The following RBFOX1 variants were observed in gnomAD, a reference collection of about 807,000 sequenced individuals.
RBFOX1 encodes the protein RNA binding fox-1 homolog 1.
In RBFOX1, 8 loss-of-function variants were observed where a neutral mutation model predicts 57.7. The ratio of observed to expected loss-of-function variants is 0.14; its 90% CI spans 0.08 to 0.25. RBFOX1 has a LOEUF of 0.25. RBFOX1 is among the 10% of genes least tolerant of loss of function. The pLI is 1.00. For synonymous variants in RBFOX1, 326 were observed against 222.4 expected, an observed-to-expected ratio of 1.47 and a Z score of -4.15; for missense variants, 611 against 548.5, an observed-to-expected ratio of 1.11 and a Z score of -1.14.
rs571698444 is a variant in RBFOX1 at position 7,150,098 on chromosome 16, C to G, written c.27+98000C>G. Among the ~76,000 whole-genome samples, 21 of 152,314 alleles carry G rather than the reference C, an allele frequency of 1.4e-4. No homozygotes were observed. In the South Asian group the frequency reaches 3.7e-3, roughly 27 times the overall value. On this transcript the variant is annotated intron_variant, in intron 4 of 15. Coordinates refer to ENST00000550418, the MANE Select transcript of RBFOX1 (RefSeq NM_018723.4). ...CCAGGTTGCCTGTTCTTCCCTCTCT[C>G]TTTCCTTGTGCTTATTCCGGTCATA...
intron 3 of RBFOX1, among the ~76,000 whole-genome samples, chr16:6,709,107 T>C (rs2063296617): frequency 6.6e-6 from 1 of 152,202 alleles, no homozygotes; most frequent in African/African-American, 2.4e-5. Context: ...ATACAGCTTA[T>C]GTCATATAAA....
intron 1 of RBFOX1, among the ~76,000 whole-genome samples, chr16:6,229,970 G>A (rs1598590020): frequency 6.6e-6 from 1 of 151,992 alleles, no homozygotes; most frequent in East Asian, 1.9e-4. Flanking sequence ...TTCTCCTTTT[G>A]TGCATTCAGT....
In RBFOX1 at chr16:7,016,534, A is replaced by C. The variant is rs117322354; in HGVS notation, c.-15-35523A>C. Among the ~76,000 whole-genome samples, 13 of 152,304 alleles carry C rather than the reference A, an allele frequency of 8.5e-5. No individual in the cohort carries two copies. The East Asian group carries it at 2.5e-3, about 29-fold the overall frequency. On this transcript the variant is annotated intron_variant, in intron 3 of 15. Coordinates refer to ENST00000550418, the MANE Select transcript of RBFOX1 (RefSeq NM_018723.4). Reference sequence around the variant, plus strand: ...AGTGTATTCAGCACACCTATGTGCCAAGCATTGCACACAGCGTTTTGCATA... The same window carrying C: ...AGTGTATTCAGCACACCTATGTGCCCAGCATTGCACACAGCGTTTTGCATA...
At chr16:6,627,187 G>A (rs1333065301) in intron 2 of RBFOX1, among the ~76,000 whole-genome samples, 1 of 152,150 alleles carries the variant, frequency 6.6e-6, no homozygotes, top group East Asian at 1.9e-4. Flanking sequence ...CTAGATCTTG[G>A]GATGGGCAGA....
At chr16:7,203,835 G>A (rs958768418) in intron 4 of RBFOX1, among the ~76,000 whole-genome samples, 2 of 152,152 alleles carry the variant, frequency 1.3e-5, no homozygotes, top group African/African-American at 2.4e-5. Flanking sequence ...TACCGGCCAC[G>A]GATTTAACCA....
chr16:7,104,509 G>C (rs975759226), intron 4 of RBFOX1, among the ~76,000 whole-genome samples: 1 of 152,108 alleles, frequency 6.6e-6, no homozygotes, highest in Non-Finnish European at 1.5e-5. Flanking sequence ...TCAAGATCCT[G>C]ACTTTAAAAG....
chr16:7,469,816 G>A (rs901136243), intron 4 of RBFOX1, among the ~76,000 whole-genome samples: 2 of 152,046 alleles, frequency 1.3e-5, no homozygotes, highest in African/African-American at 4.8e-5. Context: ...CTGAAATTCT[G>A]TCCCCATTAA....
intron 3 of RBFOX1, among the ~76,000 whole-genome samples, chr16:6,854,918 G>A (rs138293709): frequency 6.6e-6 from 1 of 151,908 alleles, no homozygotes. Context: ...TTTTATTCTG[G>A]TTTCTATATG....
intron 2 of RBFOX1, among the ~76,000 whole-genome samples, chr16:5,543,203 G>A (rs2045038251): frequency 6.6e-6 from 1 of 152,158 alleles, no homozygotes; most frequent in African/African-American, 2.4e-5. Context: ...CAAAGAAGTT[G>A]CAAAGAAGCA....
intron 5 of RBFOX1, among the ~76,000 whole-genome samples, chr16:7,552,761 C>T (rs2086950544): frequency 1.3e-5 from 2 of 152,304 alleles, no homozygotes; most frequent in Non-Finnish European, 2.9e-5. Flanking sequence ...CAGCTCACTG[C>T]AACCTCTGCC....
chr16:6,499,993 T>G (rs1007081056), intron 2 of RBFOX1, among the ~76,000 whole-genome samples: 4 of 152,192 alleles, frequency 2.6e-5, no homozygotes, highest in African/African-American at 9.7e-5. Context: ...CAGCATTTTT[T>G]GGGACCTCCT....
At chr16:5,540,764 G>A (rs1377952940) in intron 2 of RBFOX1, among the ~76,000 whole-genome samples, 3 of 152,204 alleles carry the variant, frequency 2.0e-5, no homozygotes, top group South Asian at 2.1e-4. Flanking sequence ...GACTAGCAGC[G>A]TCAGAATCAC....
intron 14 of RBFOX1, among the ~76,000 whole-genome samples, chr16:7,708,455 CAG>C (rs2083215171): frequency 6.6e-6 from 1 of 152,048 alleles, no homozygotes; most frequent in African/African-American, 2.4e-5. Flanking sequence ...ATTAATGTGA[CAG>C]AAGTTCTGGA....
At chr16:5,379,086 A>G (rs372394256) in intron 1 of RBFOX1, among the ~76,000 whole-genome samples, 4 of 151,578 alleles carry the variant, frequency 2.6e-5, no homozygotes, top group Non-Finnish European at 2.9e-5. Context: ...AAAAACTGCA[A>G]TAACTTTTGC....
chr16:7,599,638 CT>C lies in RBFOX1; in HGVS notation c.622+2219del, dbSNP rs542898195. 5.7e-4 allele frequency among the ~76,000 whole-genome samples: 36 copies of C among 62,804 alleles called. 1 individual carries two copies. The highest frequency in any genetic ancestry group is 2.5e-3 in the East Asian group (8 of 3,194). 41.2% of individuals were successfully genotyped at this position (62,804 alleles called of 152,430 possible). A position where few individuals can be genotyped will look rare whatever the true frequency, so the allele number is the denominator to read the frequency against. On this transcript the variant is annotated intron_variant, in intron 9 of 15. Transcript: ENST00000550418. Reference sequence around the variant, plus strand: ...GAGAAGATGAAGAAATTAATAAAGACTTTTTTTTTTTTCTTTTTTTTTTTTG... The same window carrying C: ...GAGAAGATGAAGAAATTAATAAAGACTTTTTTTTTTTCTTTTTTTTTTTTG...
intron 7 of RBFOX1, among the ~76,000 whole-genome samples, chr16:7,594,170 C>G (rs927454960): frequency 6.6e-6 from 1 of 151,890 alleles, no homozygotes; most frequent in African/African-American, 2.4e-5. Flanking sequence ...GTTCCCCGCC[C>G]TGTGGTCAAT....
intron 3 of RBFOX1, among the ~76,000 whole-genome samples, chr16:7,045,280 C>G (rs974787902): frequency 4.6e-5 from 7 of 151,406 alleles, no homozygotes; most frequent in Non-Finnish European, 7.4e-5. Flanking sequence ...GTGCATGACC[C>G]AAAAAAAGAA....
intron 1 of RBFOX1, among the ~76,000 whole-genome samples, chr16:6,237,545 C>T (rs952213443): frequency 3.3e-5 from 5 of 151,994 alleles, no homozygotes; most frequent in Non-Finnish European, 7.4e-5. Flanking sequence ...AGTTCAAGAC[C>T]AGCCTTGCCA....
Position 7,021,661 on chromosome 16 carries a change from C to T in RBFOX1, c.-15-30396C>T, listed in dbSNP as rs1239608165. 8.2e-5 allele frequency among the ~76,000 whole-genome samples: 12 copies of T among 145,684 alleles called. 1 individual carries two copies. In the South Asian group the frequency reaches 8.6e-4, roughly 10 times the overall value. ...AAAATTTTATTAAAATTTTTATTTC[C>T]CTCAGCCTATTTGCACAGACTGGAT... On this transcript the variant is annotated intron_variant, in intron 3 of 15. Transcript: ENST00000550418.
Sources: allele counts gnomAD v4.1 joint callset (sites outside exome capture counted in the v4.1 genomes callset), GRCh38; gene constraint gnomAD v4.1.1; transcripts MANE v1.5; gene names NCBI Gene and HGNC (gene_info 2026-07-23, HGNC 2026-07-21).